ARHGAP8: variants seen among roughly 807,000 people sequenced by gnomAD.
ARHGAP8 encodes the protein rho GTPase-activating protein 8.
In ARHGAP8, 62 loss-of-function variants were observed where a neutral mutation model predicts 46.1. That is an observed-to-expected ratio of 1.34 (90% CI 1.10 to 1.66). The LOEUF (loss-of-function observed/expected upper bound fraction) is 1.66. Ranked by LOEUF, ARHGAP8 falls within the 40% of genes most tolerant of loss-of-function variation. The pLI, the probability that ARHGAP8 is intolerant of heterozygous loss-of-function variation, is 0.00. For missense variants in ARHGAP8, 923 were observed against 568.4 expected, an observed-to-expected ratio of 1.62 and a Z score of -6.34; for synonymous variants, 375 against 243.1, an observed-to-expected ratio of 1.54 and a Z score of -5.05.
At chr22:44,790,535 G>A (rs1602179218) in intron 2 of ARHGAP8, among the ~76,000 whole-genome samples, 1 of 151,782 alleles carries the variant, frequency 6.6e-6, no homozygotes, top group East Asian at 2.0e-4. Flanking sequence ...AATTAGCCAG[G>A]TGTGGTGGCA....
At chr22:44,783,809 C>A (rs1428055176) in intron 1 of ARHGAP8, among the ~76,000 whole-genome samples, 1 of 152,148 alleles carries the variant, frequency 6.6e-6, no homozygotes, top group Non-Finnish European at 1.5e-5. Flanking sequence ...TGTTTCCTGC[C>A]CTTTGCTGCC....
chr22:44,857,799 G>A (rs537012248), intron 10 of ARHGAP8, among the ~76,000 whole-genome samples: 6 of 152,072 alleles, frequency 3.9e-5, no homozygotes, highest in Admixed American at 2.6e-4. Context: ...ACCTCTCAGA[G>A]CTCTCTTTCC....
intron 5 of ARHGAP8, among the ~76,000 whole-genome samples, chr22:44,815,505 G>A (rs994452300): frequency 2.6e-5 from 4 of 152,074 alleles, no homozygotes; most frequent in African/African-American, 4.8e-5. Flanking sequence ...CCCAGGAGCT[G>A]AGAGGTTTCC....
At position 44,862,289 on chromosome 22, in the gene ARHGAP8, C is replaced by T. The variant is rs1370659469; in HGVS notation, c.996C>T (p.Ser332=). 1 of 1,594,310 alleles carries T rather than the reference C, an allele frequency of 6.3e-7. No homozygotes were observed. Among genetic ancestry groups the T allele is most frequent in the Non-Finnish European group, 8.6e-7 (1 of 1,164,936 alleles). ...MGFLHAVSRE[S]IFNKMNSSNL... ...GTTTCCTCCAGGTGTCCCGGGAGAG[C>T]ATCTTCAACAAAATGAACAGCTCTA... Residue 332 remains serine (S), a synonymous_variant, in exon 12 of 12, where the codon AGC becomes AGT. Coordinates refer to ENST00000356099, the MANE Select transcript of ARHGAP8 (RefSeq NM_181335.3).
In ARHGAP8 at chr22:44,814,735, G is replaced by T; in HGVS notation, c.363G>T (p.Trp121Cys). The T allele has an allele frequency of 6.2e-7, 1 of 1,613,986 alleles. No individual in the cohort carries two copies. The highest frequency in any genetic ancestry group is 8.5e-7 in the Non-Finnish European group (1 of 1,179,944). Residue 121 changes from tryptophan (W) to cysteine (C), a missense_variant, in exon 5 of 12, where the codon TGG (tryptophan) becomes TGT (cysteine). Physicochemically the swap from Trp to Cys is radical, Grantham distance 215. Transcript: ENST00000356099. Reference protein sequence around the residue: ...VHPTSFIKVLWNILKPLISHK... With the variant: ...VHPTSFIKVLCNILKPLISHK... The stretch of plus-strand genomic sequence containing the variant: ...CCACCAGCTTCATCAAGGTCCTGTG[G>T]AACATCTTGAAGCCCCTCATCAGGT...
At chr22:44,763,490 T>TGA (rs1449790734) in intron 1 of ARHGAP8, among the ~76,000 whole-genome samples, 1 of 34,968 alleles carries the variant, frequency 2.9e-5, no homozygotes. Flanking sequence ...AGACTCTGTC[T>TGA]CAAAAAAAAA....
chr22:44,859,412 T>C (rs148804435), intron 10 of ARHGAP8, among the ~76,000 whole-genome samples: 1 of 152,222 alleles, frequency 6.6e-6, no homozygotes, highest in Admixed American at 6.5e-5. Flanking sequence ...CCTTTTTGCC[T>C]TCTGCCATAA....
At chr22:44,798,813 T>C (rs920713273) in intron 2 of ARHGAP8, among the ~76,000 whole-genome samples, 2 of 152,080 alleles carry the variant, frequency 1.3e-5, no homozygotes, top group Non-Finnish European at 1.5e-5. Context: ...TTCACCAGGC[T>C]GGAGTGCAGT....
chr22:44,813,784 T>TAC (rs969402731), intron 4 of ARHGAP8, among the ~76,000 whole-genome samples: 1 of 130,808 alleles, frequency 7.6e-6, no homozygotes, highest in East Asian at 2.7e-4. Context: ...TACATACACC[T>TAC]ACACACACAT....
intron 4 of ARHGAP8, 88 bp from the exon 5 acceptor site, chr22:44,814,584 C>G: frequency 9.2e-7 from 1 of 1,087,788 alleles, no homozygotes. Context: ...CTGAGACTCA[C>G]AGTGGAGGCA....
rs1446522690 is a variant in ARHGAP8 at position 44,769,713 on chromosome 22, A to G, written c.-71-16744A>G. On this transcript the variant is annotated intron_variant, in intron 1 of 11. Coordinates refer to ENST00000356099, the MANE Select transcript of ARHGAP8 (RefSeq NM_181335.3). ...TCAGTATTTTGTAATTATTGGTGCT[A>G]TTGTAATTGTCTGATGGATTCTTCC... is the stretch of plus-strand genomic sequence containing the variant. Among the ~76,000 whole-genome samples, 4 of 152,176 alleles carry G rather than the reference A, an allele frequency of 2.6e-5. No homozygotes were observed. In the East Asian group the frequency reaches 5.8e-4, roughly 22 times the overall value.
intron 8 of ARHGAP8, 26 bp downstream of exon 8, chr22:44,845,368 A>C (rs747821034): frequency 1.2e-6 from 2 of 1,613,732 alleles, no homozygotes; most frequent in Non-Finnish European, 1.7e-6. Context: ...CTCCAGCTGG[A>C]TGACGTGAGG....
chr22:44,850,354 C>T (rs1165997056), intron 10 of ARHGAP8: 1 of 149,614 alleles, frequency 6.7e-6, no homozygotes, highest in Non-Finnish European at 1.5e-5. Context: ...CAAATTTGAT[C>T]ATGCGCATAG....
intron 10 of ARHGAP8, among the ~76,000 whole-genome samples, chr22:44,852,615 T>G (rs996592033): frequency 1.3e-5 from 2 of 152,150 alleles, no homozygotes; most frequent in Non-Finnish European, 2.9e-5. Context: ...TGAATCCTTC[T>G]CTCAGTGCTG....
At chr22:44,798,382 G>C (rs1169085442) in intron 2 of ARHGAP8, among the ~76,000 whole-genome samples, 2 of 152,134 alleles carry the variant, frequency 1.3e-5, no homozygotes, top group Non-Finnish European at 2.9e-5. Context: ...AATGCTGCTG[G>C]GATTACAGGC....
At chr22:44,843,702 G>A (rs1032870242) in intron 7 of ARHGAP8, among the ~76,000 whole-genome samples, 2 of 151,934 alleles carry the variant, frequency 1.3e-5, no homozygotes, top group African/African-American at 4.8e-5. Context: ...GCACATGCCT[G>A]TAGCCCCAGC....
intron 10 of ARHGAP8, among the ~76,000 whole-genome samples, chr22:44,855,680 C>T (rs1393485002): frequency 6.6e-6 from 1 of 151,990 alleles, no homozygotes; most frequent in East Asian, 1.9e-4. Flanking sequence ...AACTCGAAAC[C>T]CATAAGACTT....
chr22:44,845,754 T>G (rs113250298), intron 8 of ARHGAP8, among the ~76,000 whole-genome samples: 2,568 of 152,194 alleles, frequency 0.017, 75 homozygotes, highest in East Asian at 0.068. Flanking sequence ...CCATTGCCAG[T>G]AGGGTGGGTG....
At position 44,852,352 on chromosome 22, in the gene ARHGAP8, ACCCTCTGGACATAGGGAAGACC is replaced by A. The variant is rs576718566; in HGVS notation, c.877+3298_877+3319del. 4.1e-3 allele frequency among the ~76,000 whole-genome samples: 629 copies of A among 152,150 alleles called. 2 individuals carry two copies. The highest frequency in any genetic ancestry group is 0.014 in the African/African-American group (594 of 41,502). On this transcript the variant is annotated intron_variant, in intron 10 of 11. Coordinates refer to ENST00000356099, the MANE Select transcript of ARHGAP8 (RefSeq NM_181335.3). ...ATTCCGCCGTCTTTAGAGATAAGGC[ACCCTCTGGACATAGGGAAGACC>A]CCCTCCCATTAGAAGGTTTTATGAT... is the stretch of plus-strand genomic sequence containing the variant.
Sources: gnomAD v4.1 joint callset for allele counts (sites outside exome capture counted in the v4.1 genomes callset) on GRCh38, gnomAD v4.1.1 for gene constraint, MANE v1.5 for transcripts, NCBI Gene and HGNC (gene_info 2026-07-23, HGNC 2026-07-21) for gene names.